The following PIWIL2 variants were observed in gnomAD, a reference collection of about 807,000 sequenced individuals.
PIWIL2 encodes the protein piwi like RNA-mediated gene silencing 2.
A neutral mutation model predicts 116.5 loss-of-function variants in PIWIL2; 81 were observed. That is an observed-to-expected ratio of 0.70 (90% confidence interval 0.58 to 0.84). The LOEUF (loss-of-function observed/expected upper bound fraction) is 0.84, where lower values mean the gene tolerates loss of function less well. Among genes scored for constraint, PIWIL2 ranks in the 40% least tolerant of loss-of-function variants. The pLI, the probability that PIWIL2 is intolerant of heterozygous loss-of-function variation, is 0.00. For synonymous variants in PIWIL2, 489 were observed against 429.5 expected, an observed-to-expected ratio of 1.14 and a Z score of -1.71; for missense variants, 1,272 against 1,212.3, an observed-to-expected ratio of 1.05 and a Z score of -0.73.
chr8:22,323,946 C>T (rs1424925936), intron 20 of PIWIL2, among the ~76,000 whole-genome samples: 2 of 152,162 alleles, frequency 1.3e-5, no homozygotes, highest in African/African-American at 4.8e-5. Flanking sequence ...TGCTCTAAGC[C>T]TCTCCCAAGG....
chr8:22,354,979 AGAATCACTT>A (rs1832456557), intron 22 of PIWIL2, among the ~76,000 whole-genome samples: 1 of 152,000 alleles, frequency 6.6e-6, no homozygotes, highest in Non-Finnish European at 1.5e-5. Flanking sequence ...CTGAGTTGGG[AGAATCACTT>A]GAATCCAGGA....
At chr8:22,309,591 G>C (rs975712713) in intron 14 of PIWIL2, among the ~76,000 whole-genome samples, 2 of 152,086 alleles carry the variant, frequency 1.3e-5, no homozygotes, top group Non-Finnish European at 2.9e-5. Flanking sequence ...TGCCCTCCTC[G>C]GCCTCCCAAA....
chr8:22,330,745 A>AAAT (rs1181049865), intron 20 of PIWIL2, among the ~76,000 whole-genome samples: 1,530 of 122,250 alleles, frequency 0.013, 66 homozygotes, highest in Admixed American at 0.1. Context: ...AATAAATAAA[A>AAAT]ATAGTTGATA....
chr8:22,321,907 AG>A (rs1308534512), intron 20 of PIWIL2: 1 of 985,100 alleles, frequency 1.0e-6, no homozygotes, highest in Non-Finnish European at 1.2e-6. Context: ...ACACATTTTC[AG>A]CCCCATTTTG....
At chr8:22,341,049 C>G (rs1192427813) in intron 20 of PIWIL2, among the ~76,000 whole-genome samples, 1 of 152,114 alleles carries the variant, frequency 6.6e-6, no homozygotes, top group Non-Finnish European at 1.5e-5. Flanking sequence ...GGAAGCATGG[C>G]TCTGCTGATA....
chr8:22,279,648 A>G (rs1169540092), intron 2 of PIWIL2, 64 bp downstream of exon 2: 10 of 1,476,148 alleles, frequency 6.8e-6, no homozygotes, highest in Non-Finnish European at 9.4e-6. Flanking sequence ...CAGAGGAAGT[A>G]ATGGATTTCA....
chr8:22,283,585 A>G (rs773802240), intron 5 of PIWIL2, among the ~76,000 whole-genome samples: 4 of 151,874 alleles, frequency 2.6e-5, no homozygotes, highest in African/African-American at 7.3e-5. Flanking sequence ...ATTTTTTTGT[A>G]TTTTTAGTAG....
intron 20 of PIWIL2, among the ~76,000 whole-genome samples, chr8:22,325,273 C>G (rs775149753): frequency 3.9e-5 from 6 of 152,144 alleles, no homozygotes; most frequent in Non-Finnish European, 7.4e-5. Flanking sequence ...GTTTGCTAGG[C>G]TCTGGCCCTG....
At chr8:22,341,799 C>A (rs1383871482) in intron 20 of PIWIL2, among the ~76,000 whole-genome samples, 3 of 151,838 alleles carry the variant, frequency 2.0e-5, no homozygotes, top group Non-Finnish European at 4.4e-5. Context: ...ATGCAGTAAG[C>A]AAAGGAAATT....
intron 20 of PIWIL2, among the ~76,000 whole-genome samples, chr8:22,343,329 G>T (rs1327032148): frequency 6.6e-6 from 1 of 152,068 alleles, no homozygotes; most frequent in Non-Finnish European, 1.5e-5. Context: ...AGCTACTCGG[G>T]AAGGCTGAGG....
chr8:22,297,438 C>T (rs1830934122), intron 10 of PIWIL2, among the ~76,000 whole-genome samples: 1 of 152,130 alleles, frequency 6.6e-6, no homozygotes, highest in South Asian at 2.1e-4. Context: ...TACATTGTTC[C>T]TGTTGACAAA....
intron 10 of PIWIL2, among the ~76,000 whole-genome samples, chr8:22,290,975 T>TATATATATATATA (rs947701007): frequency 6.0e-5 from 9 of 149,494 alleles, no homozygotes; most frequent in Non-Finnish European, 1.2e-4. Context: ...TGTATATATA[T>TATATATATATATA]TTTTTTTAAT....
At chr8:22,325,559 C>A (rs1269139647) in intron 20 of PIWIL2, among the ~76,000 whole-genome samples, 2 of 140,952 alleles carry the variant, frequency 1.4e-5, no homozygotes, top group African/African-American at 5.2e-5. Flanking sequence ...TCTCCATTCA[C>A]TGCAACCTCC....
chr8:22,333,428 A>T (rs909897909), intron 20 of PIWIL2, among the ~76,000 whole-genome samples: 1 of 152,050 alleles, frequency 6.6e-6, no homozygotes, highest in African/African-American at 2.4e-5. Context: ...CCTGACCAAC[A>T]TGGAGAAACC....
Position 22,287,558 on chromosome 8 carries a change from C to A in PIWIL2, c.774C>A (p.Phe258Leu). The change falls in exon 7 of 23, where the codon TTC becomes TTA. Residue 258 changes from phenylalanine (F) to leucine (L), a missense_variant. Physicochemically the swap from Phe to Leu is conservative, Grantham distance 22. Coordinates refer to ENST00000356766, the MANE Select transcript of PIWIL2 (RefSeq NM_018068.5). ...SPNVECKSMR[F>L]GMLKDHQAVT... is the part of the protein sequence containing the mutation. ...ATGTGGAGTGCAAAAGCATGAGGTT[C>A]GGCATGTTGAAGGACCATCAAGCTG... 4 of 1,613,326 alleles carry A rather than the reference C, an allele frequency of 2.5e-6. No homozygotes were observed. The highest frequency in any genetic ancestry group is 3.4e-6 in the Non-Finnish European group (4 of 1,179,296).
intron 20 of PIWIL2, among the ~76,000 whole-genome samples, chr8:22,350,956 C>A (rs1164111603): frequency 6.6e-6 from 1 of 152,108 alleles, no homozygotes; most frequent in Non-Finnish European, 1.5e-5. Flanking sequence ...GCCTGCCCTA[C>A]GTGGCAAAAC....
At chr8:22,342,155 AT>A (rs2132097205) in intron 20 of PIWIL2, among the ~76,000 whole-genome samples, 1 of 117,824 alleles carries the variant, frequency 8.5e-6, no homozygotes, top group South Asian at 3.9e-4. Flanking sequence ...GATGAAAAAA[AT>A]CAAAGAATAT....
At chr8:22,307,891 G>T in intron 13 of PIWIL2, 42 bp from the exon 14 acceptor site, 1 of 1,501,274 alleles carries the variant, frequency 6.7e-7, no homozygotes, top group Non-Finnish European at 9.1e-7. Context: ...TCATATTGGT[G>T]AAGTTATCTT....
At chr8:22,344,021 C>T (rs1832169640) in intron 20 of PIWIL2, among the ~76,000 whole-genome samples, 1 of 152,114 alleles carries the variant, frequency 6.6e-6, no homozygotes, top group Non-Finnish European at 1.5e-5. Context: ...AACTGTCATG[C>T]ATCCAGACAA....
Sources: allele counts gnomAD v4.1 joint callset (sites outside exome capture counted in the v4.1 genomes callset), GRCh38; gene constraint gnomAD v4.1.1; transcripts MANE v1.5; gene names NCBI Gene and HGNC (gene_info 2026-07-23, HGNC 2026-07-21).